CASZ1: variants seen among roughly 807,000 people sequenced by gnomAD.
The protein encoded by CASZ1 is castor zinc finger 1.
In CASZ1, 28 loss-of-function variants were observed where a neutral mutation model predicts 135.2. That is an observed-to-expected ratio of 0.21 (90% CI 0.15 to 0.28). CASZ1 has a LOEUF of 0.28. Ranked by LOEUF, CASZ1 falls within the 10% of genes least tolerant of loss-of-function variation. The pLI, the probability that CASZ1 is intolerant of heterozygous loss-of-function variation, is 1.00. For synonymous variants in CASZ1, 1,068 were observed against 1,073.4 expected, an observed-to-expected ratio of 0.99 and a Z score of 0.10; for missense variants, 2,161 against 2,453.3, an observed-to-expected ratio of 0.88 and a Z score of 2.52.
intron 1 of CASZ1, among the ~76,000 whole-genome samples, chr1:10,790,975 T>TA (rs201721877): frequency 3.3e-5 from 5 of 150,472 alleles, no homozygotes; most frequent in African/African-American, 1.2e-4. Flanking sequence ...ATTTTTTTTT[T>TA]AAAAAAGAAA....
At chr1:10,782,007 C>T (rs1295961540) in intron 1 of CASZ1, among the ~76,000 whole-genome samples, 1 of 152,236 alleles carries the variant, frequency 6.6e-6, no homozygotes, top group African/African-American at 2.4e-5. Context: ...TGAGGGGCCT[C>T]CCTGGCCACT....
chr1:10,777,506 A>G lies in CASZ1; in HGVS notation c.-233-16649T>C, dbSNP rs1444901137. On this transcript the variant is annotated intron_variant, in intron 1 of 20. Transcript: ENST00000377022. The surrounding 1 kb of genome is among the most constrained non-coding windows in gnomAD (Gnocchi z 4.4). Reference sequence around the variant, plus strand: ...GTCTCACTCAGGGTAGGCCTGGGGCAGGGGACCAAGTGATACGCGAAAAAC... The same window carrying G: ...GTCTCACTCAGGGTAGGCCTGGGGCGGGGGACCAAGTGATACGCGAAAAAC... 6.6e-6 allele frequency among the ~76,000 whole-genome samples: 1 copy of G among 152,112 alleles called. No homozygotes were observed. Among genetic ancestry groups the G allele is most frequent in the African/African-American group, 2.4e-5 (1 of 41,434 alleles).
At chr1:10,754,806 G>A (rs1041318288) in intron 2 of CASZ1, among the ~76,000 whole-genome samples, 3 of 152,224 alleles carry the variant, frequency 2.0e-5, no homozygotes, top group African/African-American at 7.2e-5. Flanking sequence ...AGTCGGTGAA[G>A]CTGAAATATT....
At chr1:10,649,821 A>G (rs1226497495) in intron 13 of CASZ1, 1 of 142,456 alleles carries the variant, frequency 7.0e-6, no homozygotes, top group Non-Finnish European at 1.5e-5. Context: ...GGATGGGGGA[A>G]CCCCTACGAA....
rs1481826429 is a variant in CASZ1 at position 10,759,323 on chromosome 1, C to T, written c.-77+1378G>A. On this transcript the variant is annotated intron_variant, in intron 2 of 20. Transcript: ENST00000377022. This position sits in a 1 kb window ranked among gnomAD's most constrained non-coding sequence, Gnocchi z 4.2. ...AGAGGTGCAGGTGCTAACGCCAAGCCCAGAAGACTTCAGCGCCACGAAACT... is the reference window on the plus strand; with the variant it reads ...AGAGGTGCAGGTGCTAACGCCAAGCTCAGAAGACTTCAGCGCCACGAAACT... Among the ~76,000 whole-genome samples, 1 of 152,060 alleles carries T rather than the reference C, an allele frequency of 6.6e-6. No homozygotes were observed. The highest frequency in any genetic ancestry group is 1.5e-5 in the Non-Finnish European group (1 of 68,014).
intron 4 of CASZ1, among the ~76,000 whole-genome samples, chr1:10,690,546 G>A (rs1638730857): frequency 6.6e-6 from 1 of 152,192 alleles, no homozygotes; most frequent in Non-Finnish European, 1.5e-5. Context: ...GGGATCTGCT[G>A]GCAATGCAAG....
intron 2 of CASZ1, among the ~76,000 whole-genome samples, chr1:10,746,574 C>T (rs927594928): frequency 3.9e-5 from 6 of 152,230 alleles, no homozygotes; most frequent in African/African-American, 1.4e-4. Context: ...GGGTTGTCTG[C>T]TAAAAAGGCT....
intron 5 of CASZ1, among the ~76,000 whole-genome samples, chr1:10,663,698 T>A (rs1348077901): frequency 6.6e-6 from 1 of 152,234 alleles, no homozygotes. Flanking sequence ...AGAAGGTGGC[T>A]TGGGGGCCGA....
At position 10,683,537 on chromosome 1, in the gene CASZ1, TC is replaced by T. The variant is rs1444259516; in HGVS notation, c.16+10336del. ...GGGGGGCAAGGTCCCCATCTTCCCTTCCAGCAAGTCTCTGCTTACACAGAAA... is the reference window on the plus strand; with the variant it reads ...GGGGGGCAAGGTCCCCATCTTCCCTTCAGCAAGTCTCTGCTTACACAGAAA... On this transcript the variant is annotated intron_variant, in intron 4 of 20. Coordinates refer to ENST00000377022, the MANE Select transcript of CASZ1 (RefSeq NM_001079843.3). Among the ~76,000 whole-genome samples the T allele has an allele frequency of 2.0e-5, 3 of 152,244 alleles. No individual in the cohort carries two copies. The East Asian group carries it at 5.8e-4, about 29-fold the overall frequency.
rs538680904 is a variant in CASZ1 at position 10,756,187 on chromosome 1, C to A, written c.-77+4514G>T. Among the ~76,000 whole-genome samples, 22 of 152,280 alleles carry A rather than the reference C, an allele frequency of 1.4e-4. No homozygotes were observed. In the East Asian group the frequency reaches 3.9e-3, roughly 27 times the overall value. On this transcript the variant is annotated intron_variant, in intron 2 of 20. Transcript: ENST00000377022. The surrounding 1 kb of genome is among the most constrained non-coding windows in gnomAD (Gnocchi z 5.9). ...CACCACTCCCGCAAGCCGCTGCCAG[C>A]CTGCACTTCTGCTCTCTCCCGTTGC... is the stretch of plus-strand genomic sequence containing the variant.
chr1:10,780,837 C>T (rs1418043821), intron 1 of CASZ1, among the ~76,000 whole-genome samples: 1 of 152,202 alleles, frequency 6.6e-6, no homozygotes, highest in African/African-American at 2.4e-5. Flanking sequence ...GCCTCATTTC[C>T]TGCCAGGTAC....
chr1:10,772,823 T>A (rs1207054793), intron 1 of CASZ1, among the ~76,000 whole-genome samples: 2 of 152,172 alleles, frequency 1.3e-5, no homozygotes, highest in Admixed American at 1.3e-4. Flanking sequence ...AAGAGCTGTA[T>A]GGGTGGGCTC....
chr1:10,718,044 G>A (rs1254078630), intron 2 of CASZ1, among the ~76,000 whole-genome samples: 1 of 152,270 alleles, frequency 6.6e-6, no homozygotes, highest in Admixed American at 6.5e-5. Flanking sequence ...ATCCCTGGGA[G>A]GTGGGTGGAA....
Position 10,646,373 on chromosome 1 carries a change from T to C in CASZ1, c.3498-47A>G. The C allele has an allele frequency of 6.3e-7, 1 of 1,581,838 alleles. No homozygotes were observed. Among genetic ancestry groups the C allele is most frequent in the Non-Finnish European group, 8.7e-7 (1 of 1,155,226 alleles). On this transcript the variant is annotated intron_variant, in intron 16 of 20. Transcript: ENST00000377022. The surrounding 1 kb of genome is among the most constrained non-coding windows in gnomAD (Gnocchi z 6.4). Reference sequence around the variant, plus strand: ...GAAGGTCATTGCCATTCTCAAGCCCTCCCTGCTGGTGTCCTGACTTCACTT... The same window carrying C: ...GAAGGTCATTGCCATTCTCAAGCCCCCCCTGCTGGTGTCCTGACTTCACTT...
chr1:10,694,406 C>T lies in CASZ1; in HGVS notation c.-23-494G>A. 1.2e-6 allele frequency: 1 copy of T among 802,662 alleles called. No individual in the cohort carries two copies. Among genetic ancestry groups the T allele is most frequent in the Non-Finnish European group, 1.6e-6 (1 of 616,154 alleles). The allele number at this position is 802,662 out of a possible 1,614,324, so 49.7% of individuals were successfully genotyped here. A position where few individuals can be genotyped will look rare whatever the true frequency, so the allele number is the denominator to read the frequency against. On this transcript the variant is annotated intron_variant, in intron 3 of 20. Transcript: ENST00000377022. The surrounding 1 kb of genome is among the most constrained non-coding windows in gnomAD (Gnocchi z 6.6). Reference sequence around the variant, plus strand: ...CCCCGAATAACAAGTTGTTTTAAAGCCCTGATGTCATTGCTCCTGCCGGTA... The same window carrying T: ...CCCCGAATAACAAGTTGTTTTAAAGTCCTGATGTCATTGCTCCTGCCGGTA...
At chr1:10,710,026 C>T (rs1414932112) in intron 2 of CASZ1, among the ~76,000 whole-genome samples, 1 of 152,184 alleles carries the variant, frequency 6.6e-6, no homozygotes, top group Non-Finnish European at 1.5e-5. Context: ...GGAATTGGGC[C>T]AGGAACCTGA....
rs1367208384 is a variant in CASZ1, at chr1:10,659,987, G to A, written c.1055C>T (p.Pro352Leu). The A allele has an allele frequency of 6.2e-7, 1 of 1,613,764 alleles. No individual in the cohort carries two copies. Among genetic ancestry groups the A allele is most frequent in the Non-Finnish European group, 8.5e-7 (1 of 1,179,982 alleles). Residue 352 changes from proline (P) to leucine (L), a missense_variant, in exon 6 of 21, where the codon CCC becomes CTC. Coordinates refer to ENST00000377022, the MANE Select transcript of CASZ1 (RefSeq NM_001079843.3). ...ENVKYLHLFK[P>L]GEGSPDMGGA... is the part of the protein sequence containing the mutation. The stretch of plus-strand genomic sequence containing the variant: ...GCCCATGTCGGGGCTGCCCTCCCCG[G>A]GTTTGAAGAGGTGCAGGTACTTGAC...
chr1:10,659,723 G>A lies in CASZ1; in HGVS notation c.1319C>T (p.Thr440Met), dbSNP rs1642943695. 8 of 1,613,916 alleles carry A rather than the reference G, an allele frequency of 5.0e-6. No homozygotes were observed. The highest frequency in any genetic ancestry group is 1.3e-5 in the African/African-American group (1 of 75,022). The change falls in exon 6 of 21, where the codon ACG becomes ATG. Residue 440 changes from threonine (T) to methionine (M), a missense_variant. This residue lies in a region of CASZ1 where 248 missense variants were observed against 410.8 expected (regional missense o/e 0.60). Transcript: ENST00000377022. ...TTACTTGACAGTGGAGACGGTCCCC[G>A]TGGTGATGGAGTCTGTTTTGGAGAA... ...STFSKTDSIT[T>M]GTVSTVKNGL... is the part of the protein sequence containing the mutation.
rs1466441414 is a variant in CASZ1, at chr1:10,757,488, C to CT, written c.-77+3212dup. Reference sequence around the variant, plus strand: ...TTCTTCCCTTGGCAGCCCCAACTACCTTTTTAAAACAAACATTGGCTGGGT... The same window carrying CT: ...TTCTTCCCTTGGCAGCCCCAACTACCTTTTTTAAAACAAACATTGGCTGGGT... On this transcript the variant is annotated intron_variant, in intron 2 of 20. Coordinates refer to ENST00000377022, the MANE Select transcript of CASZ1 (RefSeq NM_001079843.3). This position sits in a 1 kb window ranked among gnomAD's most constrained non-coding sequence, Gnocchi z 4.6. Among the ~76,000 whole-genome samples, 2 of 152,122 alleles carry CT rather than the reference C, an allele frequency of 1.3e-5. No individual in the cohort carries two copies. Among genetic ancestry groups the CT allele is most frequent in the Non-Finnish European group, 2.9e-5 (2 of 68,020 alleles).
Sources: gnomAD v4.1 joint callset for allele counts (sites outside exome capture counted in the v4.1 genomes callset) on GRCh38, gnomAD v4.1.1 for gene constraint, gnomAD v4.1.1 regional missense constraint, Gnocchi (gnomAD v3.1) non-coding constraint, MANE v1.5 for transcripts, NCBI Gene and HGNC (gene_info 2026-07-23, HGNC 2026-07-21) for gene names.